The following FAM81B variants were observed in gnomAD, a reference collection of about 807,000 sequenced individuals.
FAM81B encodes the protein protein FAM81B.
FAM81B carries 60 observed loss-of-function variants against 58.7 expected under a neutral mutation model. That is an observed-to-expected ratio of 1.02 (90% CI 0.83 to 1.27). FAM81B has a LOEUF of 1.27. Ranked by LOEUF, FAM81B falls within the 50% of genes most tolerant of loss-of-function variation. FAM81B has a pLI of 0.00. For synonymous variants in FAM81B, 189 were observed against 179.6 expected (o/e 1.05, Z -0.42); for missense variants, 491 against 522.0 (o/e 0.94, Z 0.58).
chr5:95,406,537 G>C (rs1762250503), intron 3 of FAM81B, among the ~76,000 whole-genome samples: 1 of 152,108 alleles, frequency 6.6e-6, no homozygotes, highest in Admixed American at 6.5e-5. Flanking sequence ...GCATGACCTT[G>C]ACAAGGCAGT....
At chr5:95,409,040 A>T (rs1441292348) in intron 3 of FAM81B, among the ~76,000 whole-genome samples, 1 of 152,260 alleles carries the variant, frequency 6.6e-6, no homozygotes, top group African/African-American at 2.4e-5. Flanking sequence ...ACTTATCTTT[A>T]AAAAGAATGT....
At chr5:95,395,175 C>G (rs1249924123) in intron 2 of FAM81B, among the ~76,000 whole-genome samples, 1 of 152,074 alleles carries the variant, frequency 6.6e-6, no homozygotes, top group African/African-American at 2.4e-5. Flanking sequence ...CGCTGTGGCT[C>G]ACGCCTGTAA....
At chr5:95,427,060 AAG>A (rs1251793249) in intron 5 of FAM81B, among the ~76,000 whole-genome samples, 8 of 152,226 alleles carry the variant, frequency 5.3e-5, no homozygotes, top group African/African-American at 1.4e-4. Context: ...AAAAAAAGAA[AAG>A]AAGCTTTTCC....
chr5:95,409,981 T>C (rs1017328754), intron 3 of FAM81B, among the ~76,000 whole-genome samples: 3 of 152,176 alleles, frequency 2.0e-5, no homozygotes, highest in Admixed American at 2.0e-4. Flanking sequence ...TCTTTGCTAA[T>C]AAAAGTCCCA....
chr5:95,401,396 C>A (rs1349081689), intron 3 of FAM81B, among the ~76,000 whole-genome samples: 1 of 152,132 alleles, frequency 6.6e-6, no homozygotes, highest in Admixed American at 6.5e-5. Context: ...TGCCTCACCC[C>A]CCAGAGCATT....
intron 5 of FAM81B, among the ~76,000 whole-genome samples, chr5:95,421,969 G>T (rs1046649071): frequency 1.3e-5 from 2 of 152,124 alleles, no homozygotes; most frequent in Admixed American, 6.5e-5. Flanking sequence ...CAAGGAAGTG[G>T]AAAGAGAAAC....
chr5:95,400,976 A>C (rs1762097504), intron 3 of FAM81B, among the ~76,000 whole-genome samples: 1 of 143,720 alleles, frequency 7.0e-6, no homozygotes, highest in Non-Finnish European at 1.5e-5. Flanking sequence ...CAAGAGGGCC[A>C]CAAATGCTAC....
chr5:95,443,942 G>A lies in FAM81B; in HGVS notation c.894-2620G>A, dbSNP rs538367073. On this transcript the variant is annotated intron_variant, in intron 7 of 9. Transcript: ENST00000283357. Reference sequence around the variant, plus strand: ...TTAATATTGTATCAGTGATAAAAGAGTAAATGCTCTCATTTATTTGTTATA... The same window carrying A: ...TTAATATTGTATCAGTGATAAAAGAATAAATGCTCTCATTTATTTGTTATA... Among the ~76,000 whole-genome samples, 8 of 152,246 alleles carry A rather than the reference G, an allele frequency of 5.3e-5. No homozygotes were observed. In the South Asian group the frequency reaches 1.7e-3, roughly 32 times the overall value.
At chr5:95,420,834 A>C (rs1762661799) in intron 5 of FAM81B, among the ~76,000 whole-genome samples, 1 of 152,262 alleles carries the variant, frequency 6.6e-6, no homozygotes, top group South Asian at 2.1e-4. Flanking sequence ...CAAGATTTCT[A>C]AATCAAAAGA....
chr5:95,410,933 G>A (rs1582795860), intron 3 of FAM81B: 1 of 152,256 alleles, frequency 6.6e-6, no homozygotes, highest in South Asian at 2.1e-4. Context: ...GAAATTCAGT[G>A]TACTAAGCAG....
At chr5:95,431,155 T>C (rs1251804378) in intron 6 of FAM81B, among the ~76,000 whole-genome samples, 1 of 152,074 alleles carries the variant, frequency 6.6e-6, no homozygotes, top group Non-Finnish European at 1.5e-5. Flanking sequence ...GTTTTTGACA[T>C]GCACAAATAG....
rs1432704546 is a variant in FAM81B, at chr5:95,391,427, A to G, written c.38A>G (p.Glu13Gly). 3.1e-6 allele frequency: 5 copies of G among 1,613,782 alleles called. No individual in the cohort carries two copies. Among genetic ancestry groups the G allele is most frequent in the Non-Finnish European group, 3.4e-6 (4 of 1,179,786 alleles). ...TTCCTTGGTACATTGGCTTCCTCAG[A>G]AAAAAGAAAAAAATCACAGAGATTG... ...LQFLGTLASS[E>G]KRKKSQRLFF... The change falls in exon 1 of 10, where the codon GAA becomes GGA. Residue 13 changes from glutamate (E) to glycine (G), a missense_variant. Transcript: ENST00000283357.
In FAM81B at chr5:95,428,725, A is replaced by G; in HGVS notation, c.779A>G (p.Asp260Gly). Residue 260 changes from aspartate (D) to glycine (G), a missense_variant, in exon 6 of 10, where the codon GAC (aspartate) becomes GGC (glycine). By Grantham distance (94) the Asp-to-Gly change is moderately conservative. Transcript: ENST00000283357. Reference sequence around the variant, plus strand: ...CTGGAAACTCTTTCCAAGAACTTGGACATGAAGGTAATTGAAAATAGATGG... The same window carrying G: ...CTGGAAACTCTTTCCAAGAACTTGGGCATGAAGGTAATTGAAAATAGATGG... The part of the protein sequence containing the change: ...PALETLSKNL[D>G]MKVMQLLGKI... 1 of 1,613,842 alleles carries G rather than the reference A, an allele frequency of 6.2e-7. No homozygotes were observed. The highest frequency in any genetic ancestry group is 8.5e-7 in the Non-Finnish European group (1 of 1,179,728).
intron 4 of FAM81B, among the ~76,000 whole-genome samples, chr5:95,417,537 G>A (rs1177119133): frequency 6.6e-6 from 1 of 152,012 alleles, no homozygotes; most frequent in Non-Finnish European, 1.5e-5. Flanking sequence ...TTCTTCTAAT[G>A]ATTTATGTCT....
At chr5:95,392,677 C>T (rs1176403571) in intron 1 of FAM81B, 117 bp from the exon 2 acceptor site, 11 of 751,096 alleles carry the variant, frequency 1.5e-5, no homozygotes, top group Non-Finnish European at 2.4e-5. Flanking sequence ...AATTGAAAGC[C>T]TCCCTTTAAG....
Position 95,395,763 on chromosome 5 carries a change from C to T in FAM81B, c.229-348C>T, listed in dbSNP as rs545186333. Among the ~76,000 whole-genome samples the T allele has an allele frequency of 5.2e-4, 79 of 152,282 alleles. 1 individual carries two copies. In the South Asian group the frequency reaches 0.014, roughly 27 times the overall value. Reference sequence around the variant, plus strand: ...TGTTTCTCCTTAGAAATCAGCATGTCAGGAATCATCCACTCTGTGAAGACT... The same window carrying T: ...TGTTTCTCCTTAGAAATCAGCATGTTAGGAATCATCCACTCTGTGAAGACT... On this transcript the variant is annotated intron_variant, in intron 2 of 9. Transcript: ENST00000283357.
In FAM81B at chr5:95,414,055, C is replaced by T. The variant is rs1483420244; in HGVS notation, c.402C>T (p.Arg134=). 6.2e-7 allele frequency: 1 copy of T among 1,614,110 alleles called. No homozygotes were observed. The highest frequency in any genetic ancestry group is 8.5e-7 in the Non-Finnish European group (1 of 1,180,016). The change falls in exon 4 of 10, where the codon CGC becomes CGT. Residue 134 remains arginine (R), a synonymous_variant. Transcript: ENST00000283357. Reference sequence around the variant, plus strand: ...CTTTCCTTCTTGAACAAGCCTTCCGCATCAAGGAGGACATCTCTGCTTGCC... The same window carrying T: ...CTTTCCTTCTTGAACAAGCCTTCCGTATCAAGGAGGACATCTCTGCTTGCC... ...TIAFLLEQAF[R]IKEDISACLQ...
At chr5:95,402,090 T>A (rs1158881239) in intron 3 of FAM81B, among the ~76,000 whole-genome samples, 1 of 152,222 alleles carries the variant, frequency 6.6e-6, no homozygotes, top group Non-Finnish European at 1.5e-5. Flanking sequence ...CTGACATACA[T>A]AACATACTAA....
At chr5:95,443,162 T>A (rs867597382) in intron 7 of FAM81B, among the ~76,000 whole-genome samples, 2 of 152,314 alleles carry the variant, frequency 1.3e-5, no homozygotes, top group African/African-American at 2.4e-5. Context: ...TTTCTGTATG[T>A]CATCCATGAC....
Sources: allele counts gnomAD v4.1 joint callset (sites outside exome capture counted in the v4.1 genomes callset), GRCh38; gene constraint gnomAD v4.1.1; transcripts MANE v1.5; gene names NCBI Gene and HGNC (gene_info 2026-07-23, HGNC 2026-07-21).